The following TPRG1 variants were observed in gnomAD, a reference collection of about 807,000 sequenced individuals.
TPRG1 encodes the protein tumor protein p63 regulated 1, also known as tumor protein p63-regulated gene 1 protein.
A neutral mutation model predicts 29.3 loss-of-function variants in TPRG1; 29 were observed. The observed-to-expected ratio is 0.99, with a 90% CI of 0.74 to 1.35. TPRG1 has a LOEUF of 1.35. TPRG1 is among the 40% of genes most tolerant of loss of function. The probability of loss-of-function intolerance (pLI) is 0.00; values close to 1 mark genes in which losing one functional copy is unlikely to be tolerated. For synonymous variants in TPRG1, 130 were observed against 116.8 expected, an observed-to-expected ratio of 1.11 and a Z score of -0.73; for missense variants, 327 against 335.0, an observed-to-expected ratio of 0.98 and a Z score of 0.19.
chr3:189,215,898 G>A (rs1735995378), intron 3 of TPRG1, among the ~76,000 whole-genome samples: 1 of 152,102 alleles, frequency 6.6e-6, no homozygotes, highest in African/African-American at 2.4e-5. Flanking sequence ...TAAAAACCAA[G>A]TCGAACATTC....
chr3:189,194,090 GT>G (rs201487001), intron 1 of TPRG1, among the ~76,000 whole-genome samples: 1 of 150,944 alleles, frequency 6.6e-6, no homozygotes, highest in South Asian at 2.1e-4. Flanking sequence ...ACCTGCTGTT[GT>G]TTTTTTTGCC....
intron 1 of TPRG1, among the ~76,000 whole-genome samples, chr3:189,115,025 T>C (rs1721004437): frequency 6.6e-6 from 1 of 152,186 alleles, no homozygotes; most frequent in Non-Finnish European, 1.5e-5. Context: ...CTTATCCTTG[T>C]TTTATTTCAC....
chr3:189,282,715 TAC>T (rs1174280252), intron 4 of TPRG1, among the ~76,000 whole-genome samples: 1 of 152,214 alleles, frequency 6.6e-6, no homozygotes, highest in Non-Finnish European at 1.5e-5. Flanking sequence ...TGAACAAGGA[TAC>T]ACAGCTGGCC....
intron 5 of TPRG1, among the ~76,000 whole-genome samples, chr3:189,159,870 T>TGTGTGG (rs1727242588): frequency 8.9e-5 from 9 of 100,988 alleles, no homozygotes; most frequent in African/African-American, 2.9e-4. Flanking sequence ...GTGTGTGTGG[T>TGTGTGG]GGTGGGGGTA....
chr3:189,294,403 T>G (rs1719529132), intron 4 of TPRG1, among the ~76,000 whole-genome samples: 1 of 152,200 alleles, frequency 6.6e-6, no homozygotes, highest in Non-Finnish European at 1.5e-5. Context: ...AATGGATTAA[T>G]TTGTGCTCGG....
At chr3:189,114,395 G>A (rs1417621318) in intron 1 of TPRG1, among the ~76,000 whole-genome samples, 1 of 152,074 alleles carries the variant, frequency 6.6e-6, no homozygotes, top group Non-Finnish European at 1.5e-5. Flanking sequence ...CGATTCTCCT[G>A]CCTCAGCCTC....
intron 5 of TPRG1, among the ~76,000 whole-genome samples, chr3:189,319,559 C>T (rs9820955): frequency 0.19 from 28,488 of 151,862 alleles, 3,508 homozygotes; most frequent in African/African-American, 0.33. Flanking sequence ...TAACCAGTTC[C>T]GATGGTCTCT....
chr3:189,058,415 A>G (rs1403769481), intron 4 of TPRG1, among the ~76,000 whole-genome samples: 1 of 152,200 alleles, frequency 6.6e-6, no homozygotes, highest in Admixed American at 6.5e-5. Context: ...TGACACAGTA[A>G]TAGGCGGAAA....
intron 4 of TPRG1, among the ~76,000 whole-genome samples, chr3:189,297,204 C>T (rs1368241455): frequency 6.6e-6 from 1 of 152,064 alleles, no homozygotes; most frequent in Non-Finnish European, 1.5e-5. Context: ...TGGTCTCGAA[C>T]TCCTGACCTC....
In TPRG1 at chr3:189,166,453, A is replaced by C. The variant is rs539304666; in HGVS notation, c.-10+15581A>C. On this transcript the variant is annotated intron_variant, in intron 5 of 6. Transcript: ENST00000412373. ...AGAGACCTCACTTTGAGCACGTCCA[A>C]ACTGCTTTAATTTGCTGACAAGGAA... Among the ~76,000 whole-genome samples the C allele has an allele frequency of 3.9e-5, 6 of 152,328 alleles. No individual in the cohort carries two copies. The South Asian group carries it at 1.2e-3, about 32-fold the overall frequency.
At chr3:189,083,701 A>G (rs979830803) in intron 4 of TPRG1, among the ~76,000 whole-genome samples, 2 of 152,206 alleles carry the variant, frequency 1.3e-5, no homozygotes, top group Admixed American at 6.5e-5. Flanking sequence ...CCTAGTGCCT[A>G]TATCAAGTTT....
At chr3:189,256,686 C>T (rs1711953824) in intron 4 of TPRG1, among the ~76,000 whole-genome samples, 2 of 152,146 alleles carry the variant, frequency 1.3e-5, no homozygotes, top group Admixed American at 6.5e-5. Flanking sequence ...AATCTGGGTG[C>T]TCCTGTATTG....
At position 189,148,354 on chromosome 3, in the gene TPRG1, C is replaced by T. The variant is rs944809098; in HGVS notation, c.-227+707C>T. Among the ~76,000 whole-genome samples, 40 of 152,134 alleles carry T rather than the reference C, an allele frequency of 2.6e-4. 1 individual carries two copies. Among genetic ancestry groups the T allele is most frequent in the East Asian group, 1.9e-4 (1 of 5,194 alleles). On this transcript the variant is annotated intron_variant, in intron 4 of 6. Coordinates refer to the TPRG1 transcript ENST00000412373. Reference sequence around the variant, plus strand: ...AGGGCTCACAGTCTAATGGAAGAAACGGACATGCCCAACACGTGGTTACAA... The same window carrying T: ...AGGGCTCACAGTCTAATGGAAGAAATGGACATGCCCAACACGTGGTTACAA...
chr3:189,308,541 G>A (rs1022743233), intron 4 of TPRG1, among the ~76,000 whole-genome samples: 2 of 152,160 alleles, frequency 1.3e-5, no homozygotes, highest in African/African-American at 4.8e-5. Context: ...CACCTCTGGA[G>A]CTCAGGAAAG....
At chr3:189,252,307 T>C (rs1369690804) in intron 4 of TPRG1, among the ~76,000 whole-genome samples, 1 of 152,080 alleles carries the variant, frequency 6.6e-6, no homozygotes, top group Non-Finnish European at 1.5e-5. Context: ...ACAGACACAG[T>C]AGCAATCTGA....
intron 5 of TPRG1, 147 bp downstream of exon 5, chr3:189,310,686 C>G (rs1413004094): frequency 2.4e-6 from 1 of 419,454 alleles, no homozygotes; most frequent in African/African-American, 2.1e-5. Context: ...TTTATATAGA[C>G]AAAAACGGTA....
chr3:189,296,407 G>A (rs1719919085), intron 4 of TPRG1, among the ~76,000 whole-genome samples: 1 of 152,186 alleles, frequency 6.6e-6, no homozygotes, highest in Admixed American at 6.5e-5. Context: ...AGCTAATGTT[G>A]CTGTTGGCTA....
At chr3:189,165,636 G>A (rs182712774) in intron 5 of TPRG1, among the ~76,000 whole-genome samples, 3 of 152,184 alleles carry the variant, frequency 2.0e-5, no homozygotes, top group Admixed American at 2.0e-4. Flanking sequence ...AGGCTGCCCT[G>A]GCATGAAGAT....
At position 189,300,687 on chromosome 3, in the gene TPRG1, T is replaced by C. The variant is rs566400686; in HGVS notation, c.480-9699T>C. Reference sequence around the variant, plus strand: ...AAGCTCCAGATCCCTGCATCTGGCTTTTCACTTCCATCACTGAAGACATAT... The same window carrying C: ...AAGCTCCAGATCCCTGCATCTGGCTCTTCACTTCCATCACTGAAGACATAT... On this transcript the variant is annotated intron_variant, in intron 4 of 5. Transcript: ENST00000345063. Among the ~76,000 whole-genome samples the C allele has an allele frequency of 7.9e-5, 12 of 152,266 alleles. No homozygotes were observed. The East Asian group carries it at 2.3e-3, about 29-fold the overall frequency.
Sources: gnomAD v4.1 joint callset for allele counts (sites outside exome capture counted in the v4.1 genomes callset) on GRCh38, gnomAD v4.1.1 for gene constraint, MANE v1.5 for transcripts, NCBI Gene and HGNC (gene_info 2026-07-23, HGNC 2026-07-21) for gene names.